The following ZBTB20 variants were observed in gnomAD, a reference collection of about 807,000 sequenced individuals.
The protein encoded by ZBTB20 is zinc finger and BTB domain-containing protein 20.
In ZBTB20, 9 loss-of-function variants were observed where a neutral mutation model predicts 56.9. That is an observed-to-expected ratio of 0.16 (90% CI 0.10 to 0.28). ZBTB20 has a LOEUF of 0.28. Among genes scored for constraint, ZBTB20 ranks in the 10% least tolerant of loss-of-function variants. The pLI, the probability that ZBTB20 is intolerant of heterozygous loss-of-function variation, is 1.00. For synonymous variants in ZBTB20, 417 were observed against 420.7 expected (o/e 0.99, Z 0.11); for missense variants, 655 against 1,003.0 (o/e 0.65, Z 4.69).
chr3:114,444,644 G>GT (rs1224123088), intron 7 of ZBTB20, among the ~76,000 whole-genome samples: 1 of 152,058 alleles, frequency 6.6e-6, no homozygotes, highest in Non-Finnish European at 1.5e-5. Flanking sequence ...TCTTCTCTGT[G>GT]TTTAAGTTTT....
At chr3:114,790,023 A>G (rs1479021073) in intron 5 of ZBTB20, among the ~76,000 whole-genome samples, 2 of 152,110 alleles carry the variant, frequency 1.3e-5, no homozygotes, top group Non-Finnish European at 2.9e-5. Context: ...ACTCATACAC[A>G]CAGACATTTT....
chr3:114,732,769 G>C (rs1440903999), intron 5 of ZBTB20, among the ~76,000 whole-genome samples: 1 of 152,192 alleles, frequency 6.6e-6, no homozygotes, highest in Non-Finnish European at 1.5e-5. Context: ...GGGGGATGGG[G>C]ATGCAGGTTG....
At chr3:114,518,935 A>T (rs1032262654) in intron 6 of ZBTB20, 1 of 152,144 alleles carries the variant, frequency 6.6e-6, no homozygotes, top group African/African-American at 2.4e-5. Context: ...TTCCACAGAG[A>T]TTTATCTGGC....
chr3:114,429,583 T>G (rs1042201606), intron 7 of ZBTB20, among the ~76,000 whole-genome samples: 1 of 152,136 alleles, frequency 6.6e-6, no homozygotes, highest in African/African-American at 2.4e-5. Context: ...GGGATGAAAC[T>G]AAGAATAAGG....
chr3:114,608,671 T>C (rs1355642230), intron 6 of ZBTB20, among the ~76,000 whole-genome samples: 14 of 152,224 alleles, frequency 9.2e-5, no homozygotes, highest in African/African-American at 2.4e-5. Context: ...AAAAGTCAAA[T>C]AGGGCTGTTA....
chr3:114,670,656 T>G (rs964664267), intron 6 of ZBTB20, among the ~76,000 whole-genome samples: 1 of 152,148 alleles, frequency 6.6e-6, no homozygotes. Flanking sequence ...GTTCTGGTAC[T>G]GTAAAATATT....
intron 1 of ZBTB20, among the ~76,000 whole-genome samples, chr3:115,129,766 G>A (rs1324843188): frequency 1.3e-5 from 2 of 152,152 alleles, no homozygotes; most frequent in Admixed American, 1.3e-4. Context: ...ACTAGAATAA[G>A]ACATCATCAG....
intron 7 of ZBTB20, among the ~76,000 whole-genome samples, chr3:114,480,922 A>T (rs985450933): frequency 1.3e-5 from 2 of 152,146 alleles, no homozygotes; most frequent in African/African-American, 4.8e-5. Flanking sequence ...TTTCATTTTT[A>T]AAATTATTAG....
intron 4 of ZBTB20, among the ~76,000 whole-genome samples, chr3:114,840,196 TAA>T (rs1172813809): frequency 6.6e-6 from 1 of 151,532 alleles, no homozygotes; most frequent in Non-Finnish European, 1.5e-5. Context: ...AAAATGATGG[TAA>T]GTTTCCCTTG....
chr3:114,434,576 G>GTGTGTGTGTGTGTA (rs1203990104), intron 7 of ZBTB20, among the ~76,000 whole-genome samples: 3 of 151,770 alleles, frequency 2.0e-5, no homozygotes, highest in Non-Finnish European at 4.4e-5. Flanking sequence ...GTGTGTGTGT[G>GTGTGTGTGTGTGTA]TATCTTTCTA....
At chr3:114,876,558 A>T (rs1467723279) in intron 4 of ZBTB20, 1 of 152,178 alleles carries the variant, frequency 6.6e-6, no homozygotes, top group Non-Finnish European at 1.5e-5. Context: ...GCTGAATGTG[A>T]CTAAAATTTT....
intron 11 of ZBTB20, among the ~76,000 whole-genome samples, chr3:114,349,786 A>G (rs1036492221): frequency 1.3e-5 from 2 of 152,208 alleles, no homozygotes; most frequent in Non-Finnish European, 2.9e-5. Context: ...TTTATTCTCA[A>G]AACAGCACTA....
At chr3:115,007,247 ACTT>A (rs1329336599) in intron 2 of ZBTB20, among the ~76,000 whole-genome samples, 6 of 151,622 alleles carry the variant, frequency 4.0e-5, no homozygotes, top group East Asian at 2.0e-4. Flanking sequence ...TATGACTTCA[ACTT>A]CTTCTGGAAA....
intron 7 of ZBTB20, among the ~76,000 whole-genome samples, chr3:114,423,183 A>G (rs1352920823): frequency 1.3e-5 from 2 of 152,206 alleles, no homozygotes; most frequent in African/African-American, 4.8e-5. Context: ...TCAAGCTTCC[A>G]TGGAACACTC....
At chr3:114,917,605 C>T (rs1252966111) in intron 3 of ZBTB20, among the ~76,000 whole-genome samples, 1 of 152,194 alleles carries the variant, frequency 6.6e-6, no homozygotes, top group Non-Finnish European at 1.5e-5. Flanking sequence ...GTCAGTTACA[C>T]TGAGGCTCTT....
At chr3:114,457,572 T>G (rs1297017766) in intron 7 of ZBTB20, among the ~76,000 whole-genome samples, 1 of 152,170 alleles carries the variant, frequency 6.6e-6, no homozygotes, top group African/African-American at 2.4e-5. Context: ...GGGGTTGTAT[T>G]ATTTCTTTGT....
Position 115,018,640 on chromosome 3 carries a change from T to C in ZBTB20, c.-506-44224A>G, listed in dbSNP as rs575620486. ...CGCATTTGTGAAAGTGGAACAACAC[T>C]GACCAACAAGAAACAAAGAAACAGA... On this transcript the variant is annotated intron_variant, in intron 2 of 11. Coordinates refer to ENST00000675478, the MANE Select transcript of ZBTB20 (RefSeq NM_001348800.3). 5.5e-4 allele frequency among the ~76,000 whole-genome samples: 84 copies of C among 151,518 alleles called. 2 individuals carry two copies. In the South Asian group the frequency reaches 0.017, roughly 31 times the overall value.
chr3:114,977,983 T>C (rs1280734774), intron 2 of ZBTB20, among the ~76,000 whole-genome samples: 1 of 132,604 alleles, frequency 7.5e-6, no homozygotes, highest in Non-Finnish European at 1.5e-5. Context: ...TGTACTCCAG[T>C]ATGGGCAAGA....
chr3:115,134,708 C>A (rs749082654), intron 1 of ZBTB20, among the ~76,000 whole-genome samples: 1 of 152,150 alleles, frequency 6.6e-6, no homozygotes, highest in African/African-American at 2.4e-5. Flanking sequence ...CATGTTTTCG[C>A]CAGTAGTCCT....
Sources: gnomAD v4.1 joint callset for allele counts (sites outside exome capture counted in the v4.1 genomes callset) on GRCh38, gnomAD v4.1.1 for gene constraint, MANE v1.5 for transcripts, NCBI Gene and HGNC (gene_info 2026-07-23, HGNC 2026-07-21) for gene names.